Variants in NOP10 observed in about 807,000 individuals in gnomAD.
The protein encoded by NOP10 is NOP10 ribonucleoprotein, also known as H/ACA ribonucleoprotein complex subunit 3.
NOP10 carries 6 observed loss-of-function variants against 9.5 expected under a neutral mutation model. The ratio of observed to expected loss-of-function variants is 0.63; its 90% confidence interval spans 0.35 to 1.25. The LOEUF (loss-of-function observed/expected upper bound fraction) is 1.25. Among genes scored for constraint, NOP10 ranks in the 50% most tolerant of loss-of-function variants. The probability of loss-of-function intolerance (pLI) is 0.03; values close to 1 mark genes in which losing one functional copy is unlikely to be tolerated. For missense variants in NOP10, 75 were observed against 81.3 expected (o/e 0.92, Z 0.30); for synonymous variants, 28 against 30.7 (o/e 0.91, Z 0.29).
rs1042150335 is a variant in NOP10 at position 34,341,978 on chromosome 15, G to A, written c.185C>T (p.Pro62Leu). The change falls in exon 2 of 2, where the codon CCT (proline) becomes CTT (leucine). Residue 62 changes from proline (P) to leucine (L), a missense_variant. Pro to Leu is a moderately conservative substitution (Grantham distance 98). Transcript: ENST00000328848. Reference protein sequence around the residue: ...FKVLMTQQPRPVL With the variant: ...FKVLMTQQPRLVL ...CAGTTTAAGGGACCCTCAGAGGACA[G>A]GGCGCGGTTGCTGGGTCATGAGCAC... 1.2e-6 allele frequency: 2 copies of A among 1,613,908 alleles called. No individual in the cohort carries two copies. Among genetic ancestry groups the A allele is most frequent in the Admixed American group, 3.3e-5 (2 of 60,002 alleles).
Position 34,341,901 on chromosome 15 carries a change from G to T in NOP10, c.*67C>A, listed in dbSNP as rs1015004347. 4 of 1,549,206 alleles carry T rather than the reference G, an allele frequency of 2.6e-6. No homozygotes were observed. The highest frequency in any genetic ancestry group is 2.7e-6 in the Non-Finnish European group (3 of 1,126,058). Reference sequence around the variant, plus strand: ...AAAAAGGCATCAGGGCTCACAGTCCGAAGAGTTTGGTTACGGAGTCTCCGA... The same window carrying T: ...AAAAAGGCATCAGGGCTCACAGTCCTAAGAGTTTGGTTACGGAGTCTCCGA... On this transcript the variant is annotated 3_prime_UTR_variant, in exon 2 of 2. Transcript: ENST00000328848.
chr15:34,342,001 C>T lies in NOP10; in HGVS notation c.162G>A (p.Val54=). Residue 54 remains valine, a synonymous_variant, in exon 2 of 2, where the codon GTG becomes GTA. Transcript: ENST00000328848. ...HRITIKKRFK[V]LMTQQPRPVL is the part of the protein sequence containing the mutation. ...CAGGGCGCGGTTGCTGGGTCATGAG[C>T]ACCTTGAAGCGTTTCTTGATGGTGA... 1 of 1,614,086 alleles carries T rather than the reference C, an allele frequency of 6.2e-7. No individual in the cohort carries two copies.
intron 1 of NOP10, among the ~76,000 whole-genome samples, chr15:34,342,705 C>T: frequency 6.6e-6 from 1 of 152,054 alleles, no homozygotes; most frequent in East Asian, 1.9e-4. Flanking sequence ...CACCGCCATG[C>T]CCGGCTAATT....
At position 34,343,053 on chromosome 15, in the gene NOP10, G is replaced by A; in HGVS notation, c.21C>T (p.Leu7=). The change falls in exon 1 of 2, where the codon CTC becomes CTT. Residue 7 remains leucine (L), a synonymous_variant. Transcript: ENST00000328848. Reference sequence around the variant, plus strand: ...TATAGACTCGATCTCCCTGCTCGTTGAGGTAATACTGGAGAAACATGATCG... The same window carrying A: ...TATAGACTCGATCTCCCTGCTCGTTAAGGTAATACTGGAGAAACATGATCG... The part of the protein sequence containing the change: MFLQYY[L]NEQGDRVYTL... 6.2e-7 allele frequency: 1 copy of A among 1,614,156 alleles called. No individual in the cohort carries two copies. The highest frequency in any genetic ancestry group is 8.5e-7 in the Non-Finnish European group (1 of 1,180,016).
In NOP10 at chr15:34,342,425, A is replaced by G. The variant is rs12593384; in HGVS notation, c.55-317T>C. On this transcript the variant is annotated intron_variant, in intron 1 of 1. Transcript: ENST00000328848. ...CCCCAAAACCAAAAATTAGCCGGGT[A>G]TGGTGGCGCACGCCTGTAGTCCCAA... 0.16 allele frequency among the ~76,000 whole-genome samples: 24,869 copies of G among 151,496 alleles called. 2,129 individuals are homozygous for G. Among genetic ancestry groups the G allele is most frequent in the East Asian group, 0.33 (1,674 of 5,088 alleles).
chr15:34,342,519 GCA>G (rs1420899734), intron 1 of NOP10, among the ~76,000 whole-genome samples: 2 of 139,196 alleles, frequency 1.4e-5, no homozygotes, highest in African/African-American at 5.5e-5. Context: ...AGCCGAGACC[GCA>G]CCACCGCACT....
chr15:34,342,936 T>G, intron 1 of NOP10, 84 bp downstream of exon 1: 1 of 1,267,440 alleles, frequency 7.9e-7, no homozygotes, highest in Non-Finnish European at 1.2e-6. Flanking sequence ...CGCACCCAGC[T>G]AGGTAACTCC....
At position 34,343,094 on chromosome 15, in the gene NOP10, T is replaced by G. The variant is rs777218307; in HGVS notation, c.-21A>C. ...AACATGATCGCTTATAAGCCAGCGG[T>G]CCCAATTCGGTCCACCGCTCAGTCT... On this transcript the variant is annotated 5_prime_UTR_variant, in exon 1 of 2. Transcript: ENST00000328848. 6 of 1,613,868 alleles carry G rather than the reference T, an allele frequency of 3.7e-6. No homozygotes were observed. The highest frequency in any genetic ancestry group is 4.2e-6 in the Non-Finnish European group (5 of 1,179,868).
At position 34,341,981 on chromosome 15, in the gene NOP10, C is replaced by T. The variant is rs1427661240; in HGVS notation, c.182G>A (p.Arg61His). 4.3e-6 allele frequency: 7 copies of T among 1,613,838 alleles called. No individual in the cohort carries two copies. The highest frequency in any genetic ancestry group is 5.1e-6 in the Non-Finnish European group (6 of 1,180,010). The change falls in exon 2 of 2, where the codon CGC (arginine) becomes CAC (histidine). Residue 61 changes from arginine to histidine, a missense_variant. Arg to His is a conservative substitution (Grantham distance 29, BLOSUM62 0). Coordinates refer to ENST00000328848, the MANE Select transcript of NOP10 (RefSeq NM_018648.4). ...TTTAAGGGACCCTCAGAGGACAGGG[C>T]GCGGTTGCTGGGTCATGAGCACCTT... is the stretch of plus-strand genomic sequence containing the variant. ...RFKVLMTQQP[R>H]PVL
chr15:34,341,909 T>G lies in NOP10; in HGVS notation c.*59A>C. The G allele has an allele frequency of 6.3e-7, 1 of 1,576,794 alleles. No individual in the cohort carries two copies. Among genetic ancestry groups the G allele is most frequent in the Non-Finnish European group, 8.7e-7 (1 of 1,149,200 alleles). On this transcript the variant is annotated 3_prime_UTR_variant, in exon 2 of 2. Transcript: ENST00000328848. The stretch of plus-strand genomic sequence containing the variant: ...ATCAGGGCTCACAGTCCGAAGAGTT[T>G]GGTTACGGAGTCTCCGAGGGGTAAC...
chr15:34,343,024 A>G lies in NOP10; in HGVS notation c.50T>C (p.Leu17Pro). 1 of 1,613,806 alleles carries G rather than the reference A, an allele frequency of 6.2e-7. No homozygotes were observed. The highest frequency in any genetic ancestry group is 8.5e-7 in the Non-Finnish European group (1 of 1,179,822). The change falls in exon 1 of 2, where the codon CTG becomes CCG. Residue 17 changes from leucine (L) to proline (P), a missense_variant. Leu to Pro is a moderately conservative substitution (Grantham distance 98). Coordinates refer to ENST00000328848, the MANE Select transcript of NOP10 (RefSeq NM_018648.4). ...LNEQGDRVYT[L>P]KKFDPMGQQT... ...CACCCTGTTTTCTCTCCTCACCTTC[A>G]GCGTATAGACTCGATCTCCCTGCTC...
chr15:34,341,942 A>G lies in NOP10; in HGVS notation c.*26T>C. 4 of 1,612,718 alleles carry G rather than the reference A, an allele frequency of 2.5e-6. No homozygotes were observed. Among genetic ancestry groups the G allele is most frequent in the Non-Finnish European group, 3.4e-6 (4 of 1,179,674 alleles). ...GAGTCTCCGAGGGGTAACAGGTGGC[A>G]GAAAAGACATCAGTTTAAGGGACCC... is the stretch of plus-strand genomic sequence containing the variant. On this transcript the variant is annotated 3_prime_UTR_variant, in exon 2 of 2. Coordinates refer to ENST00000328848, the MANE Select transcript of NOP10 (RefSeq NM_018648.4).
chr15:34,341,997 T>C lies in NOP10; in HGVS notation c.166A>G (p.Met56Val). ...AGGACAGGGCGCGGTTGCTGGGTCA[T>C]GAGCACCTTGAAGCGTTTCTTGATG... ...ITIKKRFKVL[M>V]TQQPRPVL Residue 56 changes from methionine (M) to valine (V), a missense_variant, in exon 2 of 2, where the codon ATG becomes GTG. By Grantham distance (21) the Met-to-Val change is conservative. Coordinates refer to ENST00000328848, the MANE Select transcript of NOP10 (RefSeq NM_018648.4). 1 of 1,614,168 alleles carries C rather than the reference T, an allele frequency of 6.2e-7. No individual in the cohort carries two copies. Among genetic ancestry groups the C allele is most frequent in the Non-Finnish European group, 8.5e-7 (1 of 1,180,030 alleles).
chr15:34,342,061 C>T lies in NOP10; in HGVS notation c.102G>A (p.Arg34=), dbSNP rs746979721. ...GAGAGTATTTGTCATCTGGGGAGAA[C>T]CGAGCAGGATGGGCTGAGCAGGTCT... ...GQQTCSAHPA[R]FSPDDKYSRH... is the part of the protein sequence containing the mutation. The change falls in exon 2 of 2, where the codon CGG becomes CGA. Residue 34 remains arginine, a synonymous_variant. Transcript: ENST00000328848. The T allele has an allele frequency of 7.4e-6, 12 of 1,613,926 alleles. No individual in the cohort carries two copies. The Admixed American group carries it at 1.8e-4, about 25-fold the overall frequency.
intron 1 of NOP10, among the ~76,000 whole-genome samples, chr15:34,342,428 G>A (rs995916603): frequency 1.3e-5 from 2 of 151,582 alleles, no homozygotes; most frequent in African/African-American, 4.9e-5. Context: ...GCCGGGTATG[G>A]TGGCGCACGC....
intron 1 of NOP10, 62 bp downstream of exon 1, chr15:34,342,958 C>T (rs2141230353): frequency 1.4e-6 from 2 of 1,474,862 alleles, no homozygotes; most frequent in East Asian, 2.3e-5. Flanking sequence ...CGTATGACCT[C>T]ACCCACTCCT....
Position 34,341,743 on chromosome 15 carries a change from T to TA in NOP10, c.*224dup. 1.8e-6 allele frequency: 1 copy of TA among 566,590 alleles called. No individual in the cohort carries two copies. Among genetic ancestry groups the TA allele is most frequent in the Non-Finnish European group, 3.2e-6 (1 of 315,392 alleles). 35.1% of individuals were successfully genotyped at this position (566,590 alleles called of 1,614,324 possible). A position where few individuals can be genotyped will look rare whatever the true frequency, so the allele number is the denominator to read the frequency against. On this transcript the variant is annotated 3_prime_UTR_variant, in exon 2 of 2. Transcript: ENST00000328848. ...GTTTTTCAAATCATTTTATCTTTAA[T>TA]AATCTTGTAGTAATTTAAAATATGA... is the stretch of plus-strand genomic sequence containing the variant.
In NOP10 at chr15:34,342,192, TA is replaced by T. The variant is rs902160466; in HGVS notation, c.55-85del. On this transcript the variant is annotated intron_variant, in intron 1 of 1. Transcript: ENST00000328848. ...GCGCGAAAAAGGGCAAACATGAAAA[TA>T]GAAGATGCAATGGTCAACTCAAAAA... is the stretch of plus-strand genomic sequence containing the variant. 2.5e-6 allele frequency: 3 copies of T among 1,208,134 alleles called. No individual in the cohort carries two copies. In the African/African-American group the frequency reaches 4.5e-5, roughly 18 times the overall value. 74.8% of individuals were successfully genotyped at this position (1,208,134 alleles called of 1,614,324 possible). A position where few individuals can be genotyped will look rare whatever the true frequency, so the allele number is the denominator to read the frequency against.
intron 1 of NOP10, among the ~76,000 whole-genome samples, chr15:34,342,671 C>A (rs1453626957): frequency 1.3e-5 from 2 of 151,980 alleles, no homozygotes; most frequent in African/African-American, 4.8e-5. Flanking sequence ...CTCAGCCTCC[C>A]GAGTAGCTGG....
Sources: gnomAD v4.1 joint callset for allele counts (sites outside exome capture counted in the v4.1 genomes callset) on GRCh38, gnomAD v4.1.1 for gene constraint, MANE v1.5 for transcripts, NCBI Gene and HGNC (gene_info 2026-07-23, HGNC 2026-07-21) for gene names.